LRMDA: variants seen among roughly 807,000 people sequenced by gnomAD.
LRMDA encodes leucine rich melanocyte differentiation associated.
LRMDA carries 18 observed loss-of-function variants against 29.8 expected under a neutral mutation model. The observed-to-expected ratio is 0.60, with a 90% CI of 0.42 to 0.90. LRMDA has a LOEUF of 0.90. LRMDA is among the 40% of genes least tolerant of loss of function. The probability of loss-of-function intolerance (pLI) is 0.00; values close to 1 mark genes in which losing one functional copy is unlikely to be tolerated. For synonymous variants in LRMDA, 125 were observed against 109.4 expected, an observed-to-expected ratio of 1.14 and a Z score of -0.89; for missense variants, 273 against 273.9, an observed-to-expected ratio of 1.00 and a Z score of 0.02.
chr10:75,522,068 G>A (rs1845367538), intron 2 of LRMDA, among the ~76,000 whole-genome samples: 1 of 152,192 alleles, frequency 6.6e-6, no homozygotes, highest in Admixed American at 6.5e-5. Flanking sequence ...AGCAGTGGTG[G>A]TGTCAATGGT....
intron 2 of LRMDA, among the ~76,000 whole-genome samples, chr10:75,742,510 G>A (rs902584062): frequency 1.3e-5 from 2 of 152,164 alleles, no homozygotes; most frequent in Non-Finnish European, 2.9e-5. Context: ...TGGATGGGAG[G>A]CACACTATGA....
chr10:75,683,967 A>G (rs575897678), intron 2 of LRMDA, among the ~76,000 whole-genome samples: 76 of 152,248 alleles, frequency 5.0e-4, no homozygotes, highest in Non-Finnish European at 9.0e-4. Flanking sequence ...ATAGGTTTTT[A>G]TGGATCTGAT....
chr10:75,855,176 T>G (rs899514676), intron 2 of LRMDA, among the ~76,000 whole-genome samples: 1 of 152,168 alleles, frequency 6.6e-6, no homozygotes, highest in Non-Finnish European at 1.5e-5. Flanking sequence ...TAGTTTACAG[T>G]CCCACCAACA....
chr10:76,335,270 G>T (rs1250209419), intron 6 of LRMDA, among the ~76,000 whole-genome samples: 1 of 152,224 alleles, frequency 6.6e-6, no homozygotes, highest in Non-Finnish European at 1.5e-5. Context: ...AGATGATCTG[G>T]CTTTGCAGAG....
At chr10:76,013,144 A>G (rs2132482168) in intron 2 of LRMDA, among the ~76,000 whole-genome samples, 1 of 152,348 alleles carries the variant, frequency 6.6e-6, no homozygotes. Flanking sequence ...AAAGATTGCT[A>G]GGCTCGCATT....
intron 6 of LRMDA, among the ~76,000 whole-genome samples, chr10:76,434,192 T>C (rs1046295161): frequency 7.9e-5 from 12 of 152,180 alleles, no homozygotes; most frequent in African/African-American, 2.9e-4. Flanking sequence ...ATCTTATTTT[T>C]CCAAAACATC....
chr10:76,115,050 T>C (rs1849645412), intron 5 of LRMDA, among the ~76,000 whole-genome samples: 1 of 152,240 alleles, frequency 6.6e-6, no homozygotes, highest in South Asian at 2.1e-4. Flanking sequence ...TGCTGGAAGT[T>C]ATTATTTCAA....
intron 2 of LRMDA, chr10:75,883,318 G>T (rs1384209985): frequency 6.6e-6 from 1 of 152,284 alleles, no homozygotes; most frequent in East Asian, 1.9e-4. Flanking sequence ...CTGTGACCTT[G>T]TGAGCAGTCC....
At chr10:75,565,067 G>T (rs1246294806) in intron 2 of LRMDA, among the ~76,000 whole-genome samples, 3 of 152,196 alleles carry the variant, frequency 2.0e-5, no homozygotes, top group Non-Finnish European at 1.5e-5. Context: ...TTGATTGACT[G>T]ATCCAAGGAA....
chr10:75,817,333 C>T (rs1304079198), intron 2 of LRMDA, among the ~76,000 whole-genome samples: 1 of 152,188 alleles, frequency 6.6e-6, no homozygotes, highest in African/African-American at 2.4e-5. Context: ...GGTGAACTCA[C>T]CGATGCTGAA....
intron 6 of LRMDA, among the ~76,000 whole-genome samples, chr10:76,339,937 C>A (rs1167485474): frequency 7.5e-6 from 1 of 132,732 alleles, no homozygotes; most frequent in Non-Finnish European, 1.6e-5. Context: ...GAAAATTACT[C>A]TTTTTCTCTT....
chr10:76,063,363 C>T (rs2132060055), intron 5 of LRMDA, among the ~76,000 whole-genome samples: 1 of 152,280 alleles, frequency 6.6e-6, no homozygotes. Context: ...ATACCAGCTT[C>T]AATCTCTCTG....
At chr10:76,163,749 A>G (rs1850688459) in intron 5 of LRMDA, among the ~76,000 whole-genome samples, 1 of 152,204 alleles carries the variant, frequency 6.6e-6, no homozygotes, top group Admixed American at 6.5e-5. Context: ...AGATCACAGG[A>G]AATTATGATT....
At chr10:75,591,567 G>C (rs1300366069) in intron 2 of LRMDA, among the ~76,000 whole-genome samples, 2 of 152,182 alleles carry the variant, frequency 1.3e-5, no homozygotes, top group African/African-American at 4.8e-5. Flanking sequence ...CTTACCCTCA[G>C]TATAAGAGCA....
Position 75,946,468 on chromosome 10 carries a change from G to C in LRMDA, c.132-89540G>C, listed in dbSNP as rs1489722264. 2.0e-5 allele frequency among the ~76,000 whole-genome samples: 3 copies of C among 152,212 alleles called. 1 individual carries two copies. The highest frequency in any genetic ancestry group is 7.2e-5 in the African/African-American group (3 of 41,454). On this transcript the variant is annotated intron_variant, in intron 2 of 6. Transcript: ENST00000611255. ...AAATGGCAGATTTAGGACCAGACAA[G>C]GAATTGGTGCACCAGCCATAAATCC...
At chr10:76,194,313 A>C (rs1851296902) in intron 5 of LRMDA, among the ~76,000 whole-genome samples, 3 of 152,180 alleles carry the variant, frequency 2.0e-5, no homozygotes. Context: ...TGGAAAATGG[A>C]AGGGAAAATC....
Position 75,990,652 on chromosome 10 carries a change from T to G in LRMDA, c.132-45356T>G, listed in dbSNP as rs376331178. Among the ~76,000 whole-genome samples the G allele has an allele frequency of 2.6e-5, 4 of 152,220 alleles. No homozygotes were observed. In the East Asian group the frequency reaches 7.7e-4, roughly 29 times the overall value. The stretch of plus-strand genomic sequence containing the variant: ...TGGCTCCCTGTGAAATATGAGCCCT[T>G]CTGGCATTATATTTACACCCATAAA... On this transcript the variant is annotated intron_variant, in intron 2 of 6. Transcript: ENST00000611255.
chr10:75,817,342 A>C (rs747125449), intron 2 of LRMDA, among the ~76,000 whole-genome samples: 1 of 152,240 alleles, frequency 6.6e-6, no homozygotes, highest in Non-Finnish European at 1.5e-5. Flanking sequence ...ACCGATGCTG[A>C]AATTATTTCA....
intron 5 of LRMDA, among the ~76,000 whole-genome samples, chr10:76,076,485 A>G (rs1296256734): frequency 1.3e-5 from 2 of 151,432 alleles, no homozygotes; most frequent in Admixed American, 6.6e-5. Flanking sequence ...GAAGATAGAG[A>G]GTGGGAAGCA....
Sources: gnomAD v4.1 joint callset for allele counts (sites outside exome capture counted in the v4.1 genomes callset) on GRCh38, gnomAD v4.1.1 for gene constraint, MANE v1.5 for transcripts, NCBI Gene and HGNC (gene_info 2026-07-23, HGNC 2026-07-21) for gene names.